CTDP1: variants seen among roughly 807,000 people sequenced by gnomAD.
CTDP1 encodes the protein CTD phosphatase 1.
In CTDP1, 47 loss-of-function variants were observed where a neutral mutation model predicts 91.8. The observed-to-expected ratio is 0.51, with a 90% CI of 0.41 to 0.65. CTDP1 has a LOEUF of 0.65. Ranked by LOEUF, CTDP1 falls within the 30% of genes least tolerant of loss-of-function variation. The pLI, the probability that CTDP1 is intolerant of heterozygous loss-of-function variation, is 0.00. For synonymous variants in CTDP1, 656 were observed against 598.5 expected (o/e 1.10, Z -1.40); for missense variants, 1,272 against 1,373.7 (o/e 0.93, Z 1.17).
chr18:79,692,500 C>G (rs141526702), intron 1 of CTDP1, among the ~76,000 whole-genome samples: 1 of 152,336 alleles, frequency 6.6e-6, no homozygotes, highest in African/African-American at 2.4e-5. Flanking sequence ...CAAAAAAACA[C>G]CTGTTTATTG....
chr18:79,746,287 C>T (rs112053130), intron 12 of CTDP1, among the ~76,000 whole-genome samples: 1 of 83,760 alleles, frequency 1.2e-5, no homozygotes, highest in Non-Finnish European at 2.5e-5. Flanking sequence ...CTCCCGTGCG[C>T]GTTCTGTCCC....
At chr18:79,700,418 G>A (rs1004586717) in intron 4 of CTDP1, among the ~76,000 whole-genome samples, 2 of 152,218 alleles carry the variant, frequency 1.3e-5, no homozygotes. Flanking sequence ...CAGCCTTATT[G>A]CTGAGAAAGA....
intron 11 of CTDP1, among the ~76,000 whole-genome samples, chr18:79,730,220 A>C (rs562773084): frequency 6.6e-6 from 1 of 152,082 alleles, no homozygotes; most frequent in Non-Finnish European, 1.5e-5. Flanking sequence ...TCTAAAAAAA[A>C]TTTTTCTCAG....
intron 6 of CTDP1, among the ~76,000 whole-genome samples, chr18:79,711,212 C>G (rs887069843): frequency 2.6e-5 from 4 of 152,204 alleles, no homozygotes; most frequent in African/African-American, 9.7e-5. Flanking sequence ...GTCAGCCCGC[C>G]ACCTGACGTT....
In CTDP1 at chr18:79,715,486, G is replaced by T; in HGVS notation, c.2026G>T (p.Asp676Tyr). The T allele has an allele frequency of 6.3e-7, 1 of 1,575,748 alleles. No homozygotes were observed. Among genetic ancestry groups the T allele is most frequent in the Non-Finnish European group, 8.6e-7 (1 of 1,162,658 alleles). Residue 676 changes from aspartate to tyrosine, a missense_variant, in exon 8 of 13, where the codon GAC becomes TAC. By Grantham distance (160) the Asp-to-Tyr change is radical (BLOSUM62 -3). Coordinates refer to ENST00000613122, the MANE Select transcript of CTDP1 (RefSeq NM_004715.5). ...KILTRLVLSP[D>Y]APDRATHLIA... Reference sequence around the variant, plus strand: ...CCTCACTCGGCTGGTGCTGAGCCCCGACGCCCCTGACAGGGCCACGCACCT... The same window carrying T: ...CCTCACTCGGCTGGTGCTGAGCCCCTACGCCCCTGACAGGGCCACGCACCT...
intron 12 of CTDP1, among the ~76,000 whole-genome samples, chr18:79,738,621 C>T (rs557400231): frequency 3.3e-4 from 50 of 152,358 alleles, no homozygotes; most frequent in Non-Finnish European, 5.7e-4. Context: ...GAATAAACAG[C>T]ATTTCAAGAA....
At chr18:79,714,281 A>G (rs1236452603) in intron 7 of CTDP1, among the ~76,000 whole-genome samples, 1 of 152,164 alleles carries the variant, frequency 6.6e-6, no homozygotes, top group Admixed American at 6.5e-5. Context: ...AAACTCAGAA[A>G]AAAATTCAAT....
chr18:79,687,030 C>A (rs1286838424), intron 1 of CTDP1, among the ~76,000 whole-genome samples: 13 of 87,334 alleles, frequency 1.5e-4, no homozygotes, highest in African/African-American at 3.0e-4. Flanking sequence ...ACTGGTGGGC[C>A]TGCACCGCAG....
intron 1 of CTDP1, among the ~76,000 whole-genome samples, chr18:79,685,171 T>G (rs2122378864): frequency 6.6e-6 from 1 of 152,202 alleles, no homozygotes; most frequent in East Asian, 1.9e-4. Flanking sequence ...GTAGACCAGG[T>G]TTCAGCCCTG....
intron 12 of CTDP1, among the ~76,000 whole-genome samples, chr18:79,742,724 G>A (rs544556614): frequency 1.3e-5 from 2 of 152,212 alleles, no homozygotes; most frequent in Non-Finnish European, 2.9e-5. Context: ...TTAGGATGCC[G>A]AGGTGGGCAG....
In CTDP1 at chr18:79,714,784, G is replaced by C; in HGVS notation, c.1324G>C (p.Ala442Pro). Reference sequence around the variant, plus strand: ...CCGGGTGGCACCGGGACAGCGGCCTGCCCAGGGTGCCACGGGCACTGACCT... The same window carrying C: ...CCGGGTGGCACCGGGACAGCGGCCTCCCCAGGGTGCCACGGGCACTGACCT... ...GGRVAPGQRPAQGATGTDLDF... is the reference protein window; with the variant it reads ...GGRVAPGQRPPQGATGTDLDF... The change falls in exon 8 of 13, where the codon GCC becomes CCC. Residue 442 changes from alanine to proline, a missense_variant. Coordinates refer to ENST00000613122, the MANE Select transcript of CTDP1 (RefSeq NM_004715.5). 3 of 1,603,496 alleles carry C rather than the reference G, an allele frequency of 1.9e-6. No homozygotes were observed. Among genetic ancestry groups the C allele is most frequent in the Non-Finnish European group, 2.6e-6 (3 of 1,176,230 alleles).
Position 79,729,089 on chromosome 18 carries a change from C to G in CTDP1, c.2580+20C>G. ...AAAGAGGTGAGCCAACCCCACGCCC[C>G]GGTGCCCGCGCCAGCGCTCGTGCTG... On this transcript the variant is annotated intron_variant, in intron 11 of 12. Coordinates refer to ENST00000613122, the MANE Select transcript of CTDP1 (RefSeq NM_004715.5). 1 of 1,612,028 alleles carries G rather than the reference C, an allele frequency of 6.2e-7. No homozygotes were observed. Among genetic ancestry groups the G allele is most frequent in the Middle Eastern group, 2.1e-4 (1 of 4,684 alleles).
At chr18:79,701,941 T>C (rs1218003470) in intron 4 of CTDP1, among the ~76,000 whole-genome samples, 1 of 152,246 alleles carries the variant, frequency 6.6e-6, no homozygotes, top group Non-Finnish European at 1.5e-5. Flanking sequence ...GAGGAGTTGC[T>C]TCTTACGGAT....
intron 4 of CTDP1, among the ~76,000 whole-genome samples, chr18:79,703,344 T>A (rs991078040): frequency 2.6e-5 from 4 of 152,118 alleles, no homozygotes; most frequent in Admixed American, 6.5e-5. Context: ...TTTAAAGCCA[T>A]TAAGAGTAAA....
intron 12 of CTDP1, 74 bp from the exon 13 acceptor site, chr18:79,753,549 TTGTGTTAAAACCACGGAAGCCACTTCCCA>T: frequency 6.4e-7 from 1 of 1,570,280 alleles, no homozygotes; most frequent in Non-Finnish European, 8.7e-7. Flanking sequence ...TTGTGCCGTC[TTGTGTTAAAACCACGGAAGCCACTTCCCA>T]AATGCAGACC....
At chr18:79,707,958 C>G (rs1345076399) in intron 5 of CTDP1, among the ~76,000 whole-genome samples, 1 of 152,204 alleles carries the variant, frequency 6.6e-6, no homozygotes, top group Non-Finnish European at 1.5e-5. Flanking sequence ...AGTAGAGACG[C>G]TAATAATTCT....
chr18:79,722,635 A>T (rs1301334273), intron 10 of CTDP1, among the ~76,000 whole-genome samples: 1 of 152,186 alleles, frequency 6.6e-6, no homozygotes, highest in African/African-American at 2.4e-5. Context: ...CACGTTAAGG[A>T]AATGTCTCTC....
intron 1 of CTDP1, among the ~76,000 whole-genome samples, chr18:79,694,613 G>T (rs1280261007): frequency 6.6e-6 from 1 of 151,204 alleles, no homozygotes; most frequent in Admixed American, 6.6e-5. Context: ...GGTCGGAGCA[G>T]CCCGGCTGGG....
chr18:79,730,468 G>GGGA (rs2086543016), intron 11 of CTDP1, among the ~76,000 whole-genome samples: 2 of 22,834 alleles, frequency 8.8e-5, no homozygotes, highest in South Asian at 2.7e-3. Context: ...GTTCTTAATG[G>GGGA]TTGAATTCTC....
Sources: gnomAD v4.1 joint callset for allele counts (sites outside exome capture counted in the v4.1 genomes callset) on GRCh38, gnomAD v4.1.1 for gene constraint, MANE v1.5 for transcripts, NCBI Gene and HGNC (gene_info 2026-07-23, HGNC 2026-07-21) for gene names.